The following TEAD4 variants were observed in gnomAD, a reference collection of about 807,000 sequenced individuals.
The protein encoded by TEAD4 is TEA domain transcription factor 4.
In TEAD4, 36 loss-of-function variants were observed where a neutral mutation model predicts 52.4. The ratio of observed to expected loss-of-function variants is 0.69; its 90% CI spans 0.53 to 0.91. The LOEUF is 0.91. Ranked by LOEUF, TEAD4 falls within the 40% of genes least tolerant of loss-of-function variation. The pLI is 0.00. For missense variants in TEAD4, 508 were observed against 583.9 expected, an observed-to-expected ratio of 0.87 and a Z score of 1.34; for synonymous variants, 220 against 231.0, an observed-to-expected ratio of 0.95 and a Z score of 0.43.
Position 2,965,823 on chromosome 12 carries a change from C to T in TEAD4, c.-30+5783C>T, listed in dbSNP as rs186489236. On this transcript the variant is annotated intron_variant, in intron 2 of 12. Coordinates refer to ENST00000359864, the MANE Select transcript of TEAD4 (RefSeq NM_003213.4). ...CCTCCCAAAGTGCTGGGATTACAGG[C>T]GTGAGCCACCGCGCCCGGCCATAAA... Among the ~76,000 whole-genome samples the T allele has an allele frequency of 6.4e-4, 97 of 152,216 alleles. 1 individual carries two copies. The South Asian group carries it at 6.8e-3, about 11-fold the overall frequency.
intron 2 of TEAD4, among the ~76,000 whole-genome samples, chr12:2,984,179 G>A (rs891276991): frequency 3.3e-5 from 5 of 152,174 alleles, no homozygotes; most frequent in Admixed American, 6.5e-5. Context: ...GCCTGTGTGC[G>A]GAAGGTATGG....
Position 2,994,799 on chromosome 12 carries a change from C to T in TEAD4, c.33C>T (p.Asn11=), listed in dbSNP as rs762061605. The T allele has an allele frequency of 1.3e-5, 21 of 1,613,394 alleles. No homozygotes were observed. Among genetic ancestry groups the T allele is most frequent in the African/African-American group, 6.7e-5 (5 of 74,910 alleles). ...GCACGGCCGGCACCATTACCTCCAA[C>T]GAGTGGAGCTCTCCCACCTCCCCTG... Residue 11 remains asparagine (N), a synonymous_variant, in exon 3 of 13, where the codon AAC becomes AAT. Coordinates refer to ENST00000359864, the MANE Select transcript of TEAD4 (RefSeq NM_003213.4). This position sits in a 1 kb window ranked among gnomAD's most constrained non-coding sequence, Gnocchi z 4.7.
At chr12:3,019,357 T>C (rs1375635852) in intron 8 of TEAD4, among the ~76,000 whole-genome samples, 187 bp downstream of exon 8, 1 of 152,188 alleles carries the variant, frequency 6.6e-6, no homozygotes, top group South Asian at 2.1e-4. Flanking sequence ...CTCAGCCGTG[T>C]GCCAAGCCCC....
Position 3,012,202 on chromosome 12 carries a change from C to T in TEAD4, c.324C>T (p.Arg108=), listed in dbSNP as rs1435631506. The T allele has an allele frequency of 1.2e-6, 2 of 1,614,128 alleles. No individual in the cohort carries two copies. The highest frequency in any genetic ancestry group is 3.3e-4 in the Middle Eastern group (2 of 6,062). ...GCCACATCCAGGTGCTGGCTCGTCG[C>T]AAAGCTCGCGAGATCCAGGCCAAGC... Residue 108 remains arginine (R), a synonymous_variant, in exon 5 of 13, where the codon CGC becomes CGT. Coordinates refer to ENST00000359864, the MANE Select transcript of TEAD4 (RefSeq NM_003213.4).
At chr12:3,034,062 C>CAA (rs2098277740) in intron 10 of TEAD4, among the ~76,000 whole-genome samples, 1 of 151,372 alleles carries the variant, frequency 6.6e-6, no homozygotes, top group East Asian at 1.9e-4. Context: ...ACCCATTGCT[C>CAA]AACCCTAGCA....
chr12:2,966,706 C>T (rs960655461), intron 2 of TEAD4, among the ~76,000 whole-genome samples: 7 of 151,740 alleles, frequency 4.6e-5, no homozygotes, highest in Non-Finnish European at 7.4e-5. Context: ...CCACCATGCC[C>T]GGCGTATTTC....
At chr12:3,025,996 A>G (rs765248370) in intron 10 of TEAD4, among the ~76,000 whole-genome samples, 8 of 151,508 alleles carry the variant, frequency 5.3e-5, no homozygotes, top group Non-Finnish European at 8.8e-5. Flanking sequence ...CCAGTTTCAC[A>G]TTGGTGAGCT....
chr12:3,032,968 G>A lies in TEAD4; in HGVS notation c.898-5000G>A, dbSNP rs114132080. The stretch of plus-strand genomic sequence containing the variant: ...GTCTTCTGCTCCCTGGCCTGGTCCC[G>A]CCTTCCCCCTCCATCAGCTGGTGTG... On this transcript the variant is annotated intron_variant, in intron 10 of 12. Transcript: ENST00000359864. 3.3e-3 allele frequency among the ~76,000 whole-genome samples: 506 copies of A among 152,304 alleles called. 3 individuals are homozygous for A. The highest frequency in any genetic ancestry group is 0.012 in the African/African-American group (497 of 41,568).
rs1298372181 is a variant in TEAD4, at chr12:3,019,133, G to A, written c.546G>A (p.Gln182=). The A allele has an allele frequency of 1.2e-6, 2 of 1,614,010 alleles. No homozygotes were observed. Among genetic ancestry groups the A allele is most frequent in the Non-Finnish European group, 8.5e-7 (1 of 1,179,984 alleles). The change falls in exon 8 of 13, where the codon CAG becomes CAA. Residue 182 remains glutamine, a synonymous_variant. Transcript: ENST00000359864. ...CCCGCAGTGTGAAGCCTTTCTCTCA[G>A]CAAACCTATGCTGTCCAGCCTCCGC...
chr12:2,974,766 C>T (rs939848393), intron 2 of TEAD4, among the ~76,000 whole-genome samples: 4 of 152,070 alleles, frequency 2.6e-5, no homozygotes, highest in Non-Finnish European at 5.9e-5. Flanking sequence ...GCTGCTTGGA[C>T]ACCTGGTTTG....
intron 2 of TEAD4, among the ~76,000 whole-genome samples, chr12:2,960,505 T>C (rs923040150): frequency 6.6e-6 from 1 of 152,032 alleles, no homozygotes; most frequent in African/African-American, 2.4e-5. Flanking sequence ...AACCCCAAAG[T>C]GAACATTTCC....
rs551362347 is a variant in TEAD4, at chr12:2,977,442, T to TCC, written c.-29-17290_-29-17289dup. The stretch of plus-strand genomic sequence containing the variant: ...TTAGCCTGGGAAGGATTGTGGGGCC[T>TCC]CCCCCCCTCTCACCTGCTCCCCGTT... On this transcript the variant is annotated intron_variant, in intron 2 of 12. Coordinates refer to ENST00000359864, the MANE Select transcript of TEAD4 (RefSeq NM_003213.4). 9.2e-4 allele frequency among the ~76,000 whole-genome samples: 140 copies of TCC among 152,160 alleles called. 2 individuals carry two copies. Among genetic ancestry groups the TCC allele is most frequent in the African/African-American group, 3.3e-3 (138 of 41,542 alleles).
intron 3 of TEAD4, among the ~76,000 whole-genome samples, chr12:2,995,568 A>G (rs1008516165): frequency 6.6e-6 from 1 of 152,144 alleles, no homozygotes; most frequent in Non-Finnish European, 1.5e-5. Flanking sequence ...AACCCAGCAG[A>G]GGGTCACCAG....
chr12:2,975,074 G>T (rs568005859), intron 2 of TEAD4, among the ~76,000 whole-genome samples: 1 of 148,264 alleles, frequency 6.7e-6, no homozygotes, highest in Non-Finnish European at 1.5e-5. Context: ...TTAAAATTTT[G>T]TATTTATTTA....
chr12:3,021,407 T>C (rs753038324), intron 9 of TEAD4, among the ~76,000 whole-genome samples: 2 of 150,504 alleles, frequency 1.3e-5, no homozygotes, highest in Non-Finnish European at 3.0e-5. Context: ...ACTTCCTGAG[T>C]TCAAGCGACT....
chr12:2,984,758 C>T (rs1037715805), intron 2 of TEAD4, among the ~76,000 whole-genome samples: 3 of 152,116 alleles, frequency 2.0e-5, no homozygotes, highest in Non-Finnish European at 4.4e-5. Context: ...ATTTGTATAT[C>T]TCAACATTCC....
intron 8 of TEAD4, 73 bp from the exon 9 acceptor site, chr12:3,020,561 G>C: frequency 2.1e-6 from 3 of 1,443,854 alleles, no homozygotes; most frequent in Non-Finnish European, 2.7e-6. Flanking sequence ...AGGAGGCCTG[G>C]GGTCCTTGCA....
rs529198304 is a variant in TEAD4 at position 3,021,069 on chromosome 12, G to C, written c.723+296G>C. Among the ~76,000 whole-genome samples the C allele has an allele frequency of 3.9e-4, 59 of 151,986 alleles. 1 individual carries two copies. The highest frequency in any genetic ancestry group is 1.3e-3 in the African/African-American group (55 of 41,466). On this transcript the variant is annotated intron_variant, in intron 9 of 12. Coordinates refer to ENST00000359864, the MANE Select transcript of TEAD4 (RefSeq NM_003213.4). The stretch of plus-strand genomic sequence containing the variant: ...TAACCCAACCGACCCTTAGTCCAAG[G>C]TTGCTCTGGTCCCAGCCCCACCCCT...
intron 10 of TEAD4, among the ~76,000 whole-genome samples, chr12:3,027,268 C>G (rs983014424): frequency 2.0e-5 from 3 of 152,216 alleles, no homozygotes; most frequent in Non-Finnish European, 4.4e-5. Context: ...ACCCAGCCTC[C>G]TGCTCCTTTC....
Sources: allele counts gnomAD v4.1 joint callset (sites outside exome capture counted in the v4.1 genomes callset), GRCh38; gene constraint gnomAD v4.1.1; non-coding constraint Gnocchi (gnomAD v3.1); transcripts MANE v1.5; gene names NCBI Gene and HGNC (gene_info 2026-07-23, HGNC 2026-07-21).